HS6ST3: variants seen among roughly 807,000 people sequenced by gnomAD.
HS6ST3 encodes the protein heparan sulfate 6-O-sulfotransferase 3.
In HS6ST3, 12 loss-of-function variants were observed where a neutral mutation model predicts 36.7. The observed-to-expected ratio is 0.33, with a 90% confidence interval of 0.21 to 0.53. The LOEUF (loss-of-function observed/expected upper bound fraction) is 0.53. HS6ST3 is among the 20% of genes least tolerant of loss of function. The pLI is 0.95. For missense variants in HS6ST3, 584 were observed against 640.9 expected (o/e 0.91, Z 0.96); for synonymous variants, 240 against 257.5 (o/e 0.93, Z 0.65).
intron 1 of HS6ST3, among the ~76,000 whole-genome samples, chr13:96,771,101 C>T (rs1877251938): frequency 6.6e-6 from 1 of 152,038 alleles, no homozygotes; most frequent in South Asian, 2.1e-4. Context: ...ATTTATATTC[C>T]TTTGAGTATA....
At chr13:96,189,259 G>T (rs978018755) in intron 1 of HS6ST3, among the ~76,000 whole-genome samples, 1 of 152,088 alleles carries the variant, frequency 6.6e-6, no homozygotes, top group Admixed American at 6.6e-5. Flanking sequence ...ACTTAAAACA[G>T]AGTTCGTGAG....
At chr13:96,437,257 C>T (rs1025342194) in intron 1 of HS6ST3, among the ~76,000 whole-genome samples, 2 of 152,192 alleles carry the variant, frequency 1.3e-5, no homozygotes, top group African/African-American at 4.8e-5. Flanking sequence ...TTCTCTCCTT[C>T]CAGGAGATCT....
chr13:96,760,896 G>A (rs950522007), intron 1 of HS6ST3, among the ~76,000 whole-genome samples: 3 of 152,012 alleles, frequency 2.0e-5, no homozygotes, highest in Non-Finnish European at 4.4e-5. Flanking sequence ...TATTTTCTTT[G>A]TACCCACATT....
Position 96,782,761 on chromosome 13 carries a change from A to C in HS6ST3, c.708-49729A>C, listed in dbSNP as rs532891629. On this transcript the variant is annotated intron_variant, in intron 1 of 1. Coordinates refer to ENST00000376705, the MANE Select transcript of HS6ST3 (RefSeq NM_153456.4). ...CCAATGGTGAGCAGAGAGGGAGGAG[A>C]ACCTTTCTGCCCACCCAGCAGGCCC... 3.9e-5 allele frequency among the ~76,000 whole-genome samples: 6 copies of C among 152,156 alleles called. No homozygotes were observed. The South Asian group carries it at 1.0e-3, about 26-fold the overall frequency.
At chr13:96,476,652 C>T (rs541154369) in intron 1 of HS6ST3, among the ~76,000 whole-genome samples, 41 of 152,234 alleles carry the variant, frequency 2.7e-4, no homozygotes, top group Non-Finnish European at 1.3e-4. Flanking sequence ...TGAGCCATCG[C>T]GCCTGGCCGA....
At chr13:96,744,687 T>C (rs188682836) in intron 1 of HS6ST3, among the ~76,000 whole-genome samples, 1 of 152,184 alleles carries the variant, frequency 6.6e-6, no homozygotes, top group African/African-American at 2.4e-5. Context: ...TAATACCAAC[T>C]TTGCATAAGC....
chr13:96,741,982 A>G (rs1594849748), intron 1 of HS6ST3, among the ~76,000 whole-genome samples: 4 of 152,250 alleles, frequency 2.6e-5, no homozygotes, highest in Admixed American at 2.6e-4. Flanking sequence ...TCCCAAGGTT[A>G]ACAAAACATC....
At chr13:96,710,853 C>T (rs1282297062) in intron 1 of HS6ST3, among the ~76,000 whole-genome samples, 1 of 152,192 alleles carries the variant, frequency 6.6e-6, no homozygotes, top group Non-Finnish European at 1.5e-5. Context: ...CTACCTCTGC[C>T]CTGGGAAGAC....
chr13:96,408,421 AAGCTACAATATGGT>A (rs2055489855), intron 1 of HS6ST3, among the ~76,000 whole-genome samples: 1 of 152,212 alleles, frequency 6.6e-6, no homozygotes, highest in African/African-American at 2.4e-5. Flanking sequence ...GCTAAAATAT[AAGCTACAATATGGT>A]AGCTTTACTT....
chr13:96,412,242 A>G (rs1295150287), intron 1 of HS6ST3, among the ~76,000 whole-genome samples: 1 of 152,000 alleles, frequency 6.6e-6, no homozygotes, highest in East Asian at 1.9e-4. Context: ...CGACCTTGTG[A>G]TCTGTCCACC....
intron 1 of HS6ST3, among the ~76,000 whole-genome samples, chr13:96,195,473 C>A (rs1261006024): frequency 1.3e-5 from 2 of 152,168 alleles, no homozygotes; most frequent in Non-Finnish European, 2.9e-5. Context: ...TTCTTCACAG[C>A]CCTACATATC....
chr13:96,365,379 A>G (rs1020949339), intron 1 of HS6ST3, among the ~76,000 whole-genome samples: 1 of 152,086 alleles, frequency 6.6e-6, no homozygotes, highest in Non-Finnish European at 1.5e-5. Context: ...TTATTTTCCA[A>G]TTTTCTATGC....
intron 1 of HS6ST3, among the ~76,000 whole-genome samples, chr13:96,781,273 C>T (rs974562025): frequency 2.0e-5 from 3 of 152,202 alleles, no homozygotes; most frequent in African/African-American, 7.2e-5. Context: ...TAGGGAAAGG[C>T]ACTACACGTC....
intron 1 of HS6ST3, among the ~76,000 whole-genome samples, chr13:96,705,161 T>A (rs971578591): frequency 6.6e-6 from 1 of 152,124 alleles, no homozygotes; most frequent in African/African-American, 2.4e-5. Context: ...ACATTCAGGC[T>A]CCCTCTTGGT....
At chr13:96,091,696 G>A in intron 1 of HS6ST3, 127 bp downstream of exon 1, 1 of 1,330,224 alleles carries the variant, frequency 7.5e-7, no homozygotes, top group Non-Finnish European at 1.0e-6. Flanking sequence ...AGCGGTTGGC[G>A]CCGTGGCTTT....
intron 1 of HS6ST3, among the ~76,000 whole-genome samples, chr13:96,185,622 G>A (rs1425366652): frequency 6.6e-6 from 1 of 152,202 alleles, no homozygotes; most frequent in Non-Finnish European, 1.5e-5. Flanking sequence ...ACCTATATAA[G>A]TTTACTGCAT....
At position 96,354,710 on chromosome 13, in the gene HS6ST3, A is replaced by G. The variant is rs566256353; in HGVS notation, c.707+263141A>G. Reference sequence around the variant, plus strand: ...TGACTTAAAATGTAAAAGAAAAGATAATGTAAGTGTTGTGAGATTCTGTTT... The same window carrying G: ...TGACTTAAAATGTAAAAGAAAAGATGATGTAAGTGTTGTGAGATTCTGTTT... On this transcript the variant is annotated intron_variant, in intron 1 of 1. Transcript: ENST00000376705. Among the ~76,000 whole-genome samples the G allele has an allele frequency of 2.6e-5, 4 of 152,238 alleles. No homozygotes were observed. The South Asian group carries it at 8.3e-4, about 32-fold the overall frequency.
chr13:96,135,354 T>C (rs547918225), intron 1 of HS6ST3, among the ~76,000 whole-genome samples: 2 of 152,324 alleles, frequency 1.3e-5, no homozygotes, highest in South Asian at 2.1e-4. Flanking sequence ...CTCTCTGTTA[T>C]GGTAAGAACA....
chr13:96,691,014 C>A (rs1251772273), intron 1 of HS6ST3, among the ~76,000 whole-genome samples: 1 of 152,110 alleles, frequency 6.6e-6, no homozygotes, highest in Non-Finnish European at 1.5e-5. Flanking sequence ...ATTCATCACA[C>A]TGGTCAACTA....
Sources: gnomAD v4.1 joint callset for allele counts (sites outside exome capture counted in the v4.1 genomes callset) on GRCh38, gnomAD v4.1.1 for gene constraint, MANE v1.5 for transcripts, NCBI Gene and HGNC (gene_info 2026-07-23, HGNC 2026-07-21) for gene names.